The following A2M variants were observed in gnomAD, a reference collection of about 807,000 sequenced individuals.
A2M encodes alpha-2-macroglobulin.
A2M carries 128 observed loss-of-function variants against 183.9 expected under a neutral mutation model. That is an observed-to-expected ratio of 0.70 (90% CI 0.60 to 0.81). The LOEUF (loss-of-function observed/expected upper bound fraction) is 0.81, where lower values mean the gene tolerates loss of function less well. Among genes scored for constraint, A2M ranks in the 30% least tolerant of loss-of-function variants. The pLI is 0.00. For synonymous variants in A2M, 592 were observed against 670.8 expected (o/e 0.88, Z 1.81); for missense variants, 1,495 against 1,787.6 (o/e 0.84, Z 2.95).
chr12:9,098,061 T>A (rs1565595163), intron 15 of A2M, among the ~76,000 whole-genome samples: 2 of 152,234 alleles, frequency 1.3e-5, no homozygotes, highest in Admixed American at 1.3e-4. Context: ...ACTGGTTGCA[T>A]GGAGCTCTGG....
intron 28 of A2M, among the ~76,000 whole-genome samples, chr12:9,075,751 A>G (rs1948731185): frequency 6.6e-6 from 1 of 152,214 alleles, no homozygotes; most frequent in Non-Finnish European, 1.5e-5. Flanking sequence ...CAAAAATATA[A>G]GGAAATCCAT....
At chr12:9,083,653 A>AT (rs1253863375) in intron 22 of A2M, among the ~76,000 whole-genome samples, 1 of 151,936 alleles carries the variant, frequency 6.6e-6, no homozygotes, top group African/African-American at 2.4e-5. Flanking sequence ...ATGGGACATC[A>AT]TCATGAAATC....
chr12:9,093,168 A>G (rs973487676), intron 18 of A2M, among the ~76,000 whole-genome samples: 2 of 152,228 alleles, frequency 1.3e-5, no homozygotes, highest in African/African-American at 4.8e-5. Flanking sequence ...AATCTAAAGT[A>G]CAGCATGAGG....
At chr12:9,091,118 AAG>A in intron 19 of A2M, 81 bp downstream of exon 19, 1 of 1,457,396 alleles carries the variant, frequency 6.9e-7, no homozygotes, top group South Asian at 1.2e-5. Flanking sequence ...TTTTGCATAC[AAG>A]AGTTTGCAGT....
Position 9,104,396 on chromosome 12 carries a change from C to A in A2M, c.1109G>T (p.Arg370Leu). The A allele has an allele frequency of 6.3e-7, 1 of 1,583,336 alleles. No individual in the cohort carries two copies. The highest frequency in any genetic ancestry group is 8.6e-7 in the Non-Finnish European group (1 of 1,163,304). Residue 370 changes from arginine to leucine, a missense_variant, in exon 11 of 36, where the codon CGC becomes CTC. Transcript: ENST00000318602. ...AGGGACGCCTTTCCCATCTACTAGG[C>A]GCACCTGAAGATTAAAAGCTGTGGA... is the stretch of plus-strand genomic sequence containing the variant. ...RQGIPFFGQV[R>L]LVDGKGVPIP...
At chr12:9,100,163 A>G (rs1937715367) in intron 13 of A2M, among the ~76,000 whole-genome samples, 1 of 152,206 alleles carries the variant, frequency 6.6e-6, no homozygotes, top group Admixed American at 6.5e-5. Context: ...TTCAGTCGGT[A>G]GAAGTACCCA....
intron 31 of A2M, among the ~76,000 whole-genome samples, chr12:9,071,912 T>G (rs1481733596): frequency 6.6e-6 from 1 of 152,226 alleles, no homozygotes; most frequent in Non-Finnish European, 1.5e-5. Flanking sequence ...TAAATATTGA[T>G]GCATATAAGT....
intron 1 of A2M, among the ~76,000 whole-genome samples, chr12:9,114,799 GT>G (rs1422794138): frequency 8.5e-5 from 13 of 152,052 alleles, no homozygotes; most frequent in Admixed American, 8.5e-4. Context: ...TAAATAGAAT[GT>G]AACCATAAAT....
At chr12:9,069,615 AGAGTTAACAT>A in intron 33 of A2M, 120 bp downstream of exon 33, 1 of 610,468 alleles carries the variant, frequency 1.6e-6, no homozygotes, top group Non-Finnish European at 2.8e-6. Flanking sequence ...ACATTCTTTT[AGAGTTAACAT>A]TAGAATTCTC....
At position 9,098,692 on chromosome 12, in the gene A2M, G is replaced by T. The variant is rs377690298; in HGVS notation, c.1766C>A (p.Ala589Glu). The T allele has an allele frequency of 6.2e-7, 1 of 1,611,940 alleles. No homozygotes were observed. The highest frequency in any genetic ancestry group is 8.5e-7 in the Non-Finnish European group (1 of 1,179,390). The change falls in exon 15 of 36, where the codon GCG becomes GAG. Residue 589 changes from alanine to glutamate, a missense_variant. By Grantham distance (107) the Ala-to-Glu change is moderately radical. Coordinates refer to ENST00000318602, the MANE Select transcript of A2M (RefSeq NM_000014.6). ...PASHAHLRVT[A>E]APQSVCALRA... ...GAGGGCGCAGACGGACTGAGGAGCC[G>T]CTGTGACTCGCAGGTGGGCGTGTGA...
rs1292420286 is a variant in A2M, at chr12:9,076,753, C to T, written c.3532+3G>A. The T allele has an allele frequency of 6.2e-7, 1 of 1,613,736 alleles. No homozygotes were observed. Among genetic ancestry groups the T allele is most frequent in the Admixed American group, 1.7e-5 (1 of 59,996 alleles). ...AGGAGAAGGATCTCAGGTGTGCTCT[C>T]ACCTTTCTTCACAGCTTCCTCATTA... On this transcript the variant is annotated splice_donor_region_variant and intron_variant, in intron 28 of 35. Transcript: ENST00000318602.
chr12:9,105,883 T>C (rs1298406547), intron 10 of A2M, among the ~76,000 whole-genome samples: 2 of 152,128 alleles, frequency 1.3e-5, no homozygotes, highest in Non-Finnish European at 2.9e-5. Flanking sequence ...AGCATGAATT[T>C]TGAGATTCTT....
chr12:9,113,313 C>T lies in A2M; in HGVS notation c.270+47G>A, dbSNP rs765720184. On this transcript the variant is annotated intron_variant, in intron 2 of 35. Transcript: ENST00000318602. ...CTGACAGAATACTAGATCCCTATGA[C>T]CCTGACTAAAAGAACCAAGTATATT... 1.3e-5 allele frequency: 21 copies of T among 1,595,138 alleles called. No individual in the cohort carries two copies. In the East Asian group the frequency reaches 4.0e-4, roughly 30 times the overall value.
chr12:9,083,284 A>T (rs1005646156), intron 22 of A2M, among the ~76,000 whole-genome samples: 1 of 152,120 alleles, frequency 6.6e-6, no homozygotes, highest in Non-Finnish European at 1.5e-5. Flanking sequence ...AGATATAGCT[A>T]ATGTAAATGA....
At chr12:9,102,157 G>A (rs1018906052) in intron 11 of A2M, among the ~76,000 whole-genome samples, 1 of 152,200 alleles carries the variant, frequency 6.6e-6, no homozygotes, top group Non-Finnish European at 1.5e-5. Flanking sequence ...ATTGGTTTAA[G>A]AGCTGAGCTG....
At chr12:9,102,347 T>G (rs1937936108) in intron 11 of A2M, among the ~76,000 whole-genome samples, 1 of 152,116 alleles carries the variant, frequency 6.6e-6, no homozygotes. Flanking sequence ...CCTGAGTTGC[T>G]AGGACTACAG....
rs1948599373 is a variant in A2M, at chr12:9,072,222, T to A, written c.4103+137A>T. The A allele has an allele frequency of 5.0e-6, 5 of 1,004,216 alleles. No homozygotes were observed. In the South Asian group the frequency reaches 8.1e-5, roughly 16 times the overall value. 62.2% of individuals were successfully genotyped at this position (1,004,216 alleles called of 1,614,324 possible). On this transcript the variant is annotated intron_variant, in intron 31 of 35. Transcript: ENST00000318602. ...TAAACCCCATCATTGAGAAATTATA[T>A]CAACTTAAGAGAATACATTGCATTT...
At chr12:9,074,087 TAAAAAA>T (rs3080599) in intron 29 of A2M, among the ~76,000 whole-genome samples, 21 of 131,578 alleles carry the variant, frequency 1.6e-4, no homozygotes, top group Admixed American at 2.3e-4. Context: ...GACTCTGTCT[TAAAAAA>T]AAAAAAAAAA....
chr12:9,070,571 C>T lies in A2M; in HGVS notation c.4111G>A (p.Gly1371Arg), dbSNP rs775892062. ...FQISLSVSYT[G>R]SRSASNMAIV... Reference sequence around the variant, plus strand: ...GCCATGTTGGAGGCAGAGCGGCTCCCTGTGTAACTGAGGATCCAGGGGAGG... The same window carrying T: ...GCCATGTTGGAGGCAGAGCGGCTCCTTGTGTAACTGAGGATCCAGGGGAGG... The change falls in exon 32 of 36, where the codon GGG (glycine) becomes AGG (arginine). Residue 1371 changes from glycine (G) to arginine (R), a missense_variant. Transcript: ENST00000318602. The T allele has an allele frequency of 1.2e-6, 2 of 1,612,356 alleles. No homozygotes were observed. The highest frequency in any genetic ancestry group is 2.7e-5 in the African/African-American group (2 of 74,876).
Sources: gnomAD v4.1 joint callset for allele counts (sites outside exome capture counted in the v4.1 genomes callset) on GRCh38, gnomAD v4.1.1 for gene constraint, MANE v1.5 for transcripts, NCBI Gene and HGNC (gene_info 2026-07-23, HGNC 2026-07-21) for gene names.